Variants in MDFIC2 observed in about 807,000 individuals in gnomAD.
MDFIC2 encodes the protein myoD family inhibitor domain-containing protein 2.
intron 2 of MDFIC2, among the ~76,000 whole-genome samples, chr3:70,283,446 G>A (rs1209558270): frequency 6.6e-6 from 1 of 152,104 alleles, no homozygotes; most frequent in African/African-American, 2.4e-5. Flanking sequence ...TGTTCAAAGA[G>A]CAAGGGCCTT....
chr3:70,197,977 TG>T, intron 3 of MDFIC2, among the ~76,000 whole-genome samples: 1 of 152,244 alleles, frequency 6.6e-6, no homozygotes, highest in South Asian at 2.1e-4. Flanking sequence ...ACAGCTGTGA[TG>T]GGTTATAGAT....
chr3:70,209,294 A>G (rs769964649), intron 2 of MDFIC2, among the ~76,000 whole-genome samples: 2 of 152,036 alleles, frequency 1.3e-5, no homozygotes, highest in Non-Finnish European at 1.5e-5. Context: ...CCTCTAGCTC[A>G]TGACAATGAA....
intron 2 of MDFIC2, among the ~76,000 whole-genome samples, chr3:70,283,258 T>G (rs990719897): frequency 6.6e-6 from 1 of 152,068 alleles, no homozygotes; most frequent in Non-Finnish European, 1.5e-5. Flanking sequence ...TGTAAACTCA[T>G]GCAGTCCTCT....
At chr3:70,292,218 T>C (rs1395353988) in intron 2 of MDFIC2, among the ~76,000 whole-genome samples, 1 of 152,180 alleles carries the variant, frequency 6.6e-6, no homozygotes, top group Non-Finnish European at 1.5e-5. Flanking sequence ...TAATACCACA[T>C]AGAGTTGTTG....
intron 2 of MDFIC2, among the ~76,000 whole-genome samples, chr3:70,233,877 C>G (rs1701584943): frequency 6.6e-6 from 1 of 152,144 alleles, no homozygotes; most frequent in Non-Finnish European, 1.5e-5. Context: ...TTCAGTTTAT[C>G]TATCCACCCA....
intron 2 of MDFIC2, among the ~76,000 whole-genome samples, chr3:70,221,587 T>C (rs1375082841): frequency 6.6e-6 from 1 of 152,090 alleles, no homozygotes; most frequent in Non-Finnish European, 1.5e-5. Context: ...TGTCAACAGA[T>C]AGCTTACCTA....
chr3:70,261,229 A>G (rs942146761), intron 2 of MDFIC2, among the ~76,000 whole-genome samples: 1 of 152,218 alleles, frequency 6.6e-6, no homozygotes, highest in Non-Finnish European at 1.5e-5. Flanking sequence ...CATTCACAAG[A>G]GTCAATCTTG....
At chr3:70,236,796 A>G (rs1701614394) in intron 2 of MDFIC2, among the ~76,000 whole-genome samples, 1 of 152,050 alleles carries the variant, frequency 6.6e-6, no homozygotes, top group Non-Finnish European at 1.5e-5. Context: ...GGGTCTTTGT[A>G]TGTTGCCCAG....
intron 2 of MDFIC2, among the ~76,000 whole-genome samples, chr3:70,223,669 C>G (rs1338357693): frequency 6.6e-6 from 1 of 152,260 alleles, no homozygotes; most frequent in African/African-American, 2.4e-5. Context: ...AGACTTAAGT[C>G]TGAAAAATTT....
intron 2 of MDFIC2, chr3:70,272,230 A>G (rs1559550590): frequency 6.6e-6 from 1 of 152,214 alleles, no homozygotes; most frequent in Non-Finnish European, 1.5e-5. Context: ...ATCACAATTA[A>G]AATGAAAAAT....
intron 2 of MDFIC2, among the ~76,000 whole-genome samples, chr3:70,292,478 A>G (rs964212203): frequency 1.3e-5 from 2 of 152,262 alleles, no homozygotes; most frequent in East Asian, 1.9e-4. Context: ...TCAGGAAACA[A>G]TCGTAAAGAT....
intron 2 of MDFIC2, among the ~76,000 whole-genome samples, chr3:70,286,350 T>C (rs1333330176): frequency 2.6e-5 from 4 of 152,170 alleles, no homozygotes; most frequent in African/African-American, 9.7e-5. Context: ...GTCAGGTTTG[T>C]CAAAGATCAG....
chr3:70,195,570 G>GA lies in MDFIC2; in HGVS notation c.*1355dup, dbSNP rs998581884. On this transcript the variant is annotated 3_prime_UTR_variant, in exon 4 of 4. Transcript: ENST00000567252. ...TTTTGCCTGAAATTACCTAAGTCAGGAAAAAACAGGTATTTTGGAGCTTTC... is the reference window on the plus strand; with the variant it reads ...TTTTGCCTGAAATTACCTAAGTCAGGAAAAAAACAGGTATTTTGGAGCTTTC... 1.3e-5 allele frequency among the ~76,000 whole-genome samples: 2 copies of GA among 152,084 alleles called. No homozygotes were observed. The highest frequency in any genetic ancestry group is 6.5e-5 in the Admixed American group (1 of 15,276).
intron 2 of MDFIC2, among the ~76,000 whole-genome samples, chr3:70,290,855 G>C (rs1206476539): frequency 6.6e-6 from 1 of 152,192 alleles, no homozygotes; most frequent in Non-Finnish European, 1.5e-5. Context: ...TCTTTGACTA[G>C]GAAAGGGAAC....
intron 2 of MDFIC2, 101 bp downstream of exon 2, chr3:70,311,785 G>T: frequency 2.6e-6 from 1 of 388,348 alleles, no homozygotes; most frequent in South Asian, 1.4e-4. Flanking sequence ...ACTACTATTT[G>T]AACGGTCAGG....
rs566048505 is a variant in MDFIC2 at position 70,214,064 on chromosome 3, T to C, written c.89-7274A>G. 3.9e-5 allele frequency among the ~76,000 whole-genome samples: 6 copies of C among 152,258 alleles called. No individual in the cohort carries two copies. In the East Asian group the frequency reaches 1.2e-3, roughly 29 times the overall value. Reference sequence around the variant, plus strand: ...TTTTCTCCAGTTGAGGGATGAAGGCTTCTAAAATTTCCTCACCTTTTTGAA... The same window carrying C: ...TTTTCTCCAGTTGAGGGATGAAGGCCTCTAAAATTTCCTCACCTTTTTGAA... On this transcript the variant is annotated intron_variant, in intron 2 of 3. Transcript: ENST00000567252.
At chr3:70,276,464 A>G (rs1472378739) in intron 2 of MDFIC2, among the ~76,000 whole-genome samples, 1 of 152,128 alleles carries the variant, frequency 6.6e-6, no homozygotes, top group Middle Eastern at 3.2e-3. Context: ...TTTTTTTAGG[A>G]TAATACTTAG....
chr3:70,305,376 T>A (rs1702390664), intron 2 of MDFIC2, among the ~76,000 whole-genome samples: 2 of 152,202 alleles, frequency 1.3e-5, no homozygotes, highest in South Asian at 4.1e-4. Context: ...TGTGTTTACA[T>A]AGTAAAAAGA....
chr3:70,290,519 C>T (rs1276551383), intron 2 of MDFIC2, among the ~76,000 whole-genome samples: 1 of 152,214 alleles, frequency 6.6e-6, no homozygotes, highest in Admixed American at 6.5e-5. Context: ...TTTTGTTTGT[C>T]TGTGCCCTGC....
Sources: allele counts gnomAD v4.1 joint callset (sites outside exome capture counted in the v4.1 genomes callset), GRCh38; gene constraint gnomAD v4.1.1; transcripts MANE v1.5; gene names NCBI Gene and HGNC (gene_info 2026-07-23, HGNC 2026-07-21).